The following ATP8A2 variants were observed in gnomAD, a reference collection of about 807,000 sequenced individuals.
ATP8A2 encodes the protein ATPase phospholipid transporting 8A2, also known as phospholipid-transporting ATPase IB.
In ATP8A2, 100 loss-of-function variants were observed where a neutral mutation model predicts 165.6. The ratio of observed to expected loss-of-function variants is 0.60; its 90% CI spans 0.51 to 0.71. The LOEUF is 0.71. Among genes scored for constraint, ATP8A2 ranks in the 30% least tolerant of loss-of-function variants. The pLI, the probability that ATP8A2 is intolerant of heterozygous loss-of-function variation, is 0.00. For missense variants in ATP8A2, 1,227 were observed against 1,479.5 expected, an observed-to-expected ratio of 0.83 and a Z score of 2.80; for synonymous variants, 543 against 548.8, an observed-to-expected ratio of 0.99 and a Z score of 0.15.
intron 25 of ATP8A2, among the ~76,000 whole-genome samples, chr13:25,738,347 C>CCG (rs2043829890): frequency 6.9e-6 from 1 of 144,108 alleles, no homozygotes; most frequent in East Asian, 2.0e-4. Flanking sequence ...CCCTCCCCCC[C>CCG]CCCCACACAC....
intron 13 of ATP8A2, among the ~76,000 whole-genome samples, chr13:25,556,332 T>C (rs1357129400): frequency 1.3e-5 from 2 of 152,232 alleles, no homozygotes; most frequent in East Asian, 1.9e-4. Context: ...TGGTATCTCA[T>C]TGTGGTTTTG....
At chr13:25,942,643 C>T (rs1009616986) in intron 33 of ATP8A2, among the ~76,000 whole-genome samples, 3 of 152,178 alleles carry the variant, frequency 2.0e-5, no homozygotes, top group Non-Finnish European at 4.4e-5. Flanking sequence ...AGGCTGGTCT[C>T]AAATCCCTGT....
Position 25,927,387 on chromosome 13 carries a change from C to T in ATP8A2, c.3184-34188C>T, listed in dbSNP as rs1954641230. 8.5e-6 allele frequency: 3 copies of T among 353,702 alleles called. No individual in the cohort carries two copies. The Admixed American group carries it at 1.1e-4, about 13-fold the overall frequency. The allele number at this position is 353,702 out of a possible 1,614,324, so 21.9% of individuals were successfully genotyped here. On this transcript the variant is annotated intron_variant, in intron 33 of 36. Coordinates refer to ENST00000381655, the MANE Select transcript of ATP8A2 (RefSeq NM_016529.6). ...CTTTTGGGGGCCCCCAAATGATTCC[C>T]AATCTCAAAATAGGCTGGTAGCTGC...
At chr13:25,496,053 G>C (rs1466524476) in intron 2 of ATP8A2, among the ~76,000 whole-genome samples, 1 of 152,084 alleles carries the variant, frequency 6.6e-6, no homozygotes, top group Non-Finnish European at 1.5e-5. Context: ...TGAAACACCC[G>C]AGGGTAACCT....
rs2044481860 is a variant in ATP8A2 at position 25,765,945 on chromosome 13, T to C, written c.2385-3101T>C. Among the ~76,000 whole-genome samples the C allele has an allele frequency of 5.3e-5, 8 of 152,206 alleles. No homozygotes were observed. The South Asian group carries it at 1.7e-3, about 32-fold the overall frequency. ...AGTGTGAAGTGGCCAAGCCTTTGCC[T>C]GTGGGCTTCCTTTCTCTCCAGACCA... On this transcript the variant is annotated intron_variant, in intron 25 of 36. Coordinates refer to ENST00000381655, the MANE Select transcript of ATP8A2 (RefSeq NM_016529.6).
chr13:25,531,305 A>G (rs897611134), intron 4 of ATP8A2, among the ~76,000 whole-genome samples: 1 of 123,352 alleles, frequency 8.1e-6, no homozygotes, highest in African/African-American at 3.1e-5. Context: ...TATGTTATAT[A>G]TGATATATAT....
intron 1 of ATP8A2, among the ~76,000 whole-genome samples, chr13:25,433,514 T>G (rs1038704088): frequency 6.6e-6 from 1 of 152,164 alleles, no homozygotes; most frequent in African/African-American, 2.4e-5. Context: ...GCTCAAGCAA[T>G]CCTCCTGCCT....
chr13:25,445,198 T>A (rs1001965784), intron 1 of ATP8A2, among the ~76,000 whole-genome samples: 1 of 152,262 alleles, frequency 6.6e-6, no homozygotes, highest in Non-Finnish European at 1.5e-5. Context: ...TCTTTATTGC[T>A]TTTGCATTGT....
At chr13:25,764,766 GTGAGTC>G (rs1173374723) in intron 25 of ATP8A2, among the ~76,000 whole-genome samples, 1 of 152,220 alleles carries the variant, frequency 6.6e-6, no homozygotes, top group East Asian at 1.9e-4. Context: ...AAAGAATTTT[GTGAGTC>G]TGGTTAATTA....
intron 27 of ATP8A2, among the ~76,000 whole-genome samples, chr13:25,786,759 T>A (rs2045038256): frequency 6.6e-6 from 1 of 150,632 alleles, no homozygotes. Context: ...TCTATGTTTT[T>A]TTTTTTTTTT....
intron 2 of ATP8A2, among the ~76,000 whole-genome samples, chr13:25,509,718 TCTC>T (rs892718912): frequency 2.4e-4 from 36 of 152,294 alleles, no homozygotes; most frequent in African/African-American, 8.7e-4. Context: ...AATTTAATAT[TCTC>T]CTTCTGTGAT....
At chr13:25,543,552 T>G (rs541851290) in intron 10 of ATP8A2, 150 bp downstream of exon 10, 5 of 531,532 alleles carry the variant, frequency 9.4e-6, no homozygotes, top group African/African-American at 1.9e-5. Context: ...GTTTCTTAGG[T>G]AGCTTTTTCT....
chr13:25,609,962 A>T (rs1593642442), intron 24 of ATP8A2, among the ~76,000 whole-genome samples: 1 of 150,944 alleles, frequency 6.6e-6, no homozygotes, highest in Admixed American at 6.6e-5. Context: ...TTTTGATAGG[A>T]TTGTTTTTTT....
intron 24 of ATP8A2, among the ~76,000 whole-genome samples, chr13:25,630,835 T>TA (rs1555233889): frequency 8.7e-5 from 13 of 150,004 alleles, no homozygotes; most frequent in Non-Finnish European, 1.5e-4. Flanking sequence ...CATCATCTAT[T>TA]AAAAAAAAAA....
chr13:25,388,139 T>C (rs1253851014), intron 1 of ATP8A2, among the ~76,000 whole-genome samples: 1 of 151,878 alleles, frequency 6.6e-6, no homozygotes. Context: ...GATATTGTTG[T>C]GTTACCTTAT....
intron 27 of ATP8A2, among the ~76,000 whole-genome samples, chr13:25,795,934 G>A (rs952299709): frequency 6.6e-6 from 1 of 151,928 alleles, no homozygotes; most frequent in Admixed American, 6.6e-5. Flanking sequence ...TCACAGGACA[G>A]CATTTCACTA....
intron 24 of ATP8A2, among the ~76,000 whole-genome samples, chr13:25,592,860 G>T (rs9511825): frequency 1.3e-5 from 2 of 151,884 alleles, no homozygotes; most frequent in Non-Finnish European, 2.9e-5. Flanking sequence ...GACTTGCCTT[G>T]GTTTAACCTT....
intron 2 of ATP8A2, among the ~76,000 whole-genome samples, chr13:25,506,251 C>T (rs1225008963): frequency 6.6e-6 from 1 of 152,182 alleles, no homozygotes; most frequent in African/African-American, 2.4e-5. Context: ...AGATTTTTAG[C>T]TCCTGATTCT....
At chr13:25,730,358 A>G (rs939448375) in intron 25 of ATP8A2, among the ~76,000 whole-genome samples, 1 of 152,172 alleles carries the variant, frequency 6.6e-6, no homozygotes, top group African/African-American at 2.4e-5. Context: ...CTTCAACTCT[A>G]TCAAGTTGGC....
Sources: gnomAD v4.1 joint callset for allele counts (sites outside exome capture counted in the v4.1 genomes callset) on GRCh38, gnomAD v4.1.1 for gene constraint, MANE v1.5 for transcripts, NCBI Gene and HGNC (gene_info 2026-07-23, HGNC 2026-07-21) for gene names.